The following TMEM41B variants were observed in gnomAD, a reference collection of about 807,000 sequenced individuals.
The protein encoded by TMEM41B is transmembrane protein 41B.
Under a neutral mutation model 31.9 loss-of-function variants are expected in TMEM41B, and 18 were observed. That is an observed-to-expected ratio of 0.56 (90% confidence interval 0.39 to 0.84). The LOEUF (loss-of-function observed/expected upper bound fraction) is 0.84. Among genes scored for constraint, TMEM41B ranks in the 40% least tolerant of loss-of-function variants. The probability of loss-of-function intolerance (pLI) is 0.00; values close to 1 mark genes in which losing one functional copy is unlikely to be tolerated. For synonymous variants in TMEM41B, 144 were observed against 124.3 expected (o/e 1.16, Z -1.05); for missense variants, 322 against 348.0 (o/e 0.93, Z 0.59).
chr11:9,296,578 A>C (rs1243701260), intron 2 of TMEM41B, among the ~76,000 whole-genome samples: 2 of 146,806 alleles, frequency 1.4e-5, no homozygotes, highest in Non-Finnish European at 3.0e-5. Flanking sequence ...GTGAGCCTCC[A>C]GCCTGGGCAA....
intron 1 of TMEM41B, among the ~76,000 whole-genome samples, chr11:9,303,650 C>CTTTTTTTTTTTTTT (rs71062827): frequency 1.0e-4 from 11 of 104,808 alleles, no homozygotes; most frequent in Non-Finnish European, 1.5e-4. Flanking sequence ...TATTCTTTTT[C>CTTTTTTTTTTTTTT]TTTTTTTTTT....
At chr11:9,295,727 G>C (rs1022246404) in intron 2 of TMEM41B, among the ~76,000 whole-genome samples, 1 of 152,124 alleles carries the variant, frequency 6.6e-6, no homozygotes, top group Non-Finnish European at 1.5e-5. Flanking sequence ...TAGAGAGGGA[G>C]TTTCACCATG....
chr11:9,284,128 G>GT (rs1215004066), intron 6 of TMEM41B, among the ~76,000 whole-genome samples: 1 of 151,742 alleles, frequency 6.6e-6, no homozygotes, highest in Non-Finnish European at 1.5e-5. Flanking sequence ...CCAGAAAATA[G>GT]TTTTACATTT....
rs201433664 is a variant in TMEM41B at position 9,282,379 on chromosome 11, CAAA to C, written c.*1042_*1044del. On this transcript the variant is annotated 3_prime_UTR_variant, in exon 7 of 7. Transcript: ENST00000528080. Reference sequence around the variant, plus strand: ...CCTGGGCAACAGCAAGACTCCGTCTCAAAAAAAAAAAAAATTATCAATACCAAA... The same window carrying C: ...CCTGGGCAACAGCAAGACTCCGTCTCAAAAAAAAAAATTATCAATACCAAA... 1.6e-5 allele frequency: 2 copies of C among 126,624 alleles called. No homozygotes were observed. Among genetic ancestry groups the C allele is most frequent in the Non-Finnish European group, 3.4e-5 (2 of 59,208 alleles). 7.8% of individuals were successfully genotyped at this position (126,624 alleles called of 1,614,324 possible). A position where few individuals can be genotyped will look rare whatever the true frequency, so the allele number is the denominator to read the frequency against.
chr11:9,310,385 AT>A (rs1460342116), intron 1 of TMEM41B, among the ~76,000 whole-genome samples: 3 of 124,518 alleles, frequency 2.4e-5, no homozygotes, highest in Non-Finnish European at 5.7e-5. Flanking sequence ...TCAAGGAAAG[AT>A]TAAACAAAAA....
intron 1 of TMEM41B, chr11:9,311,302 A>G: frequency 6.6e-7 from 1 of 1,523,380 alleles, no homozygotes; most frequent in Admixed American, 1.7e-5. Context: ...CTGCTGGAAG[A>G]GGAGGAGGAA....
intron 1 of TMEM41B, among the ~76,000 whole-genome samples, chr11:9,304,983 G>C (rs1202555060): frequency 6.6e-6 from 1 of 151,432 alleles, no homozygotes; most frequent in Non-Finnish European, 1.5e-5. Flanking sequence ...TTAGAGACCA[G>C]GTCTCACTAT....
intron 6 of TMEM41B, among the ~76,000 whole-genome samples, chr11:9,285,133 G>A (rs774044215): frequency 3.6e-5 from 5 of 137,930 alleles, no homozygotes; most frequent in Non-Finnish European, 7.6e-5. Flanking sequence ...CGCCCAGGCC[G>A]GAGTGCAGTG....
chr11:9,292,683 G>A (rs1852985804), intron 3 of TMEM41B, among the ~76,000 whole-genome samples: 1 of 151,938 alleles, frequency 6.6e-6, no homozygotes, highest in East Asian at 2.0e-4. Flanking sequence ...AATACATGAA[G>A]AGACGGGATT....
intron 1 of TMEM41B, among the ~76,000 whole-genome samples, chr11:9,304,568 GAGTTGA>G (rs1853337126): frequency 6.6e-6 from 1 of 151,946 alleles, no homozygotes; most frequent in Non-Finnish European, 1.5e-5. Flanking sequence ...CAACTCCTGG[GAGTTGA>G]ATGCCTTCAG....
At chr11:9,311,209 A>C in intron 1 of TMEM41B, 5 of 1,444,804 alleles carry the variant, frequency 3.5e-6, no homozygotes, top group Non-Finnish European at 4.7e-6. Flanking sequence ...CCCCCAATAC[A>C]ACATGGCATC....
chr11:9,304,435 CGTT>C (rs1253211669), intron 1 of TMEM41B, among the ~76,000 whole-genome samples: 1 of 151,964 alleles, frequency 6.6e-6, no homozygotes, highest in Admixed American at 6.6e-5. Context: ...GAATAAAAAA[CGTT>C]GTTTTGGTTT....
In TMEM41B at chr11:9,295,270, A is replaced by G. The variant is rs145944625; in HGVS notation, c.357T>C (p.Ala119=). ...AGTTAAAAGGATACAAAATATATGT[A>G]GCAAAATAAGCTACAAGTACTTGAA... The part of the protein sequence containing the change: ...FYVQVLVAYF[A]TYIFLQTFAI... The change falls in exon 3 of 7, where the codon GCT becomes GCC. Residue 119 remains alanine (A), a synonymous_variant. Coordinates refer to ENST00000528080, the MANE Select transcript of TMEM41B (RefSeq NM_015012.4). The G allele has an allele frequency of 1.9e-4, 295 of 1,562,598 alleles. No individual in the cohort carries two copies. In the African/African-American group the frequency reaches 3.5e-3, roughly 19 times the overall value.
chr11:9,285,076 C>T (rs1852805771), intron 6 of TMEM41B, among the ~76,000 whole-genome samples: 2 of 144,048 alleles, frequency 1.4e-5, no homozygotes, highest in Admixed American at 7.2e-5. Context: ...TCTTTTCATT[C>T]TTTCCTTCTT....
chr11:9,290,543 G>T (rs1852932851), intron 3 of TMEM41B, among the ~76,000 whole-genome samples: 1 of 129,802 alleles, frequency 7.7e-6, no homozygotes, highest in East Asian at 2.4e-4. Flanking sequence ...AGAACTTAAA[G>T]TATAATAATA....
At chr11:9,314,217 C>T in intron 1 of TMEM41B, 104 bp downstream of exon 1, 1 of 1,367,312 alleles carries the variant, frequency 7.3e-7, no homozygotes. Flanking sequence ...CCAGCAGGCC[C>T]CCCTCTTTCC....
intron 3 of TMEM41B, among the ~76,000 whole-genome samples, chr11:9,288,920 C>T (rs1401505716): frequency 6.6e-6 from 1 of 152,092 alleles, no homozygotes; most frequent in Non-Finnish European, 1.5e-5. Context: ...TACCTAAATT[C>T]ACTACTCATT....
chr11:9,295,202 C>A (rs1339838188), intron 3 of TMEM41B, 57 bp downstream of exon 3: 1 of 1,411,528 alleles, frequency 7.1e-7, no homozygotes, highest in South Asian at 1.4e-5. Context: ...GAAGAGCAGA[C>A]CTTTTACACT....
In TMEM41B at chr11:9,282,940, G is replaced by GAAAAAAAAAAAAAAAA. The variant is rs56313114; in HGVS notation, c.*468_*483dup. Reference sequence around the variant, plus strand: ...CAGAGCTAGACTCCGTCTCAAAACAGAAAAAAAAAAAAAAAAAAAAAGAGG... The same window carrying GAAAAAAAAAAAAAAAA: ...CAGAGCTAGACTCCGTCTCAAAACAGAAAAAAAAAAAAAAAAAAAAAAAAAAAAAAAAAAAAAGAGG... On this transcript the variant is annotated 3_prime_UTR_variant, in exon 7 of 7. Transcript: ENST00000528080. The GAAAAAAAAAAAAAAAA allele has an allele frequency of 3.2e-5, 3 of 92,602 alleles. 1 individual carries two copies. The highest frequency in any genetic ancestry group is 7.8e-5 in the African/African-American group (2 of 25,764). 5.7% of individuals were successfully genotyped at this position (92,602 alleles called of 1,614,324 possible).
Sources: allele counts gnomAD v4.1 joint callset (sites outside exome capture counted in the v4.1 genomes callset), GRCh38; gene constraint gnomAD v4.1.1; transcripts MANE v1.5; gene names NCBI Gene and HGNC (gene_info 2026-07-23, HGNC 2026-07-21).